BAIAP2: variants seen among roughly 807,000 people sequenced by gnomAD.
The protein encoded by BAIAP2 is BAR/IMD domain-containing adapter protein 2.
A neutral mutation model predicts 63.0 loss-of-function variants in BAIAP2; 18 were observed. The ratio of observed to expected loss-of-function variants is 0.29; its 90% CI spans 0.20 to 0.42. The LOEUF is 0.42. Ranked by LOEUF, BAIAP2 falls within the 10% of genes least tolerant of loss-of-function variation. The pLI is 1.00. For synonymous variants in BAIAP2, 386 were observed against 307.6 expected, an observed-to-expected ratio of 1.25 and a Z score of -2.67; for missense variants, 610 against 734.3, an observed-to-expected ratio of 0.83 and a Z score of 1.96.
intron 3 of BAIAP2, among the ~76,000 whole-genome samples, chr17:81,080,925 C>T (rs1325314345): frequency 6.6e-6 from 1 of 152,224 alleles, no homozygotes; most frequent in Admixed American, 6.5e-5. Context: ...TTTGCTTCAC[C>T]TCTTTGTGAA....
intron 3 of BAIAP2, among the ~76,000 whole-genome samples, chr17:81,084,552 A>G (rs186858774): frequency 5.9e-5 from 9 of 152,310 alleles, no homozygotes; most frequent in Admixed American, 5.9e-4. Context: ...TGAAGCACAC[A>G]CGGGCTCTTC....
intron 3 of BAIAP2, among the ~76,000 whole-genome samples, chr17:81,069,667 C>T (rs989500753): frequency 7.2e-5 from 11 of 152,224 alleles, no homozygotes; most frequent in Non-Finnish European, 1.0e-4. Flanking sequence ...GTTCTCCATC[C>T]ATGGCAGCTC....
At chr17:81,098,305 G>T in intron 6 of BAIAP2, 2 of 776,010 alleles carry the variant, frequency 2.6e-6, no homozygotes, top group Non-Finnish European at 3.5e-6. Flanking sequence ...CAGCTTCTTC[G>T]CCACTCTCTC....
At chr17:81,070,661 G>A (rs115556233) in intron 3 of BAIAP2, among the ~76,000 whole-genome samples, 2,967 of 152,212 alleles carry the variant, frequency 0.019, 101 homozygotes, top group African/African-American at 0.068. Context: ...AGAAGGTGTC[G>A]GGTTAGCTCA....
In BAIAP2 at chr17:81,085,659, G is replaced by A. The variant is rs900346821; in HGVS notation, c.285G>A (p.Lys95=). 2 of 1,613,746 alleles carry A rather than the reference G, an allele frequency of 1.2e-6. No individual in the cohort carries two copies. The highest frequency in any genetic ancestry group is 1.7e-6 in the Non-Finnish European group (2 of 1,179,890). ...QIQNQLEEML[K]SFHNELLTQL... is the part of the protein sequence containing the mutation. Reference sequence around the variant, plus strand: ...TGTTTTCTCTCCATGTCCAGCTGAAGTCTTTTCACAACGAGCTGCTTACGC... The same window carrying A: ...TGTTTTCTCTCCATGTCCAGCTGAAATCTTTTCACAACGAGCTGCTTACGC... The change falls in exon 5 of 14, where the codon AAG becomes AAA. Residue 95 remains lysine (K), a synonymous_variant. Transcript: ENST00000428708.
At chr17:81,042,906 C>T (rs1236004475) in intron 1 of BAIAP2, among the ~76,000 whole-genome samples, 2 of 150,958 alleles carry the variant, frequency 1.3e-5, no homozygotes, top group African/African-American at 4.9e-5. Context: ...TTATTTAAGA[C>T]AGAGTCTTGT....
At chr17:81,049,175 G>A (rs555247817) in intron 1 of BAIAP2, among the ~76,000 whole-genome samples, 1 of 152,368 alleles carries the variant, frequency 6.6e-6, no homozygotes, top group South Asian at 2.1e-4. Flanking sequence ...CACAGGTCCT[G>A]GAGTTTGAGG....
intron 3 of BAIAP2, among the ~76,000 whole-genome samples, chr17:81,077,508 C>T (rs1022574937): frequency 1.3e-5 from 2 of 151,372 alleles, no homozygotes; most frequent in African/African-American, 4.9e-5. Context: ...GCGGAGGTTG[C>T]AGTGAGCCGA....
At chr17:81,072,974 C>T (rs945433235) in intron 3 of BAIAP2, among the ~76,000 whole-genome samples, 5 of 152,080 alleles carry the variant, frequency 3.3e-5, no homozygotes, top group African/African-American at 1.2e-4. Context: ...GAGAAAATGG[C>T]ATCTGGCCTG....
At chr17:81,066,455 C>G (rs1281208723) in intron 3 of BAIAP2, among the ~76,000 whole-genome samples, 4 of 152,216 alleles carry the variant, frequency 2.6e-5, no homozygotes, top group African/African-American at 9.6e-5. Flanking sequence ...CCTCGTTGTC[C>G]AGAGTGAGGC....
intron 10 of BAIAP2, chr17:81,105,807 C>T: frequency 5.1e-6 from 2 of 394,500 alleles, no homozygotes; most frequent in South Asian, 5.7e-5. Context: ...AGCAACTGCT[C>T]TGCCCGGGCT....
Position 81,110,149 on chromosome 17 carries a change from G to C in BAIAP2, c.1535+1640G>C, listed in dbSNP as rs1011815409. On this transcript the variant is annotated intron_variant, in intron 13 of 13. Transcript: ENST00000428708. ...GTGGGAGCCCCTGGGAAGCTGCGGC[G>C]CTCCTTTATCTGATGTGGTTTAGTA... 5 of 985,504 alleles carry C rather than the reference G, an allele frequency of 5.1e-6. No individual in the cohort carries two copies. The African/African-American group carries it at 8.7e-5, about 17-fold the overall frequency. 61.0% of individuals were successfully genotyped at this position (985,504 alleles called of 1,614,324 possible). A position where few individuals can be genotyped will look rare whatever the true frequency, so the allele number is the denominator to read the frequency against.
chr17:81,076,980 A>G (rs1368128085), intron 3 of BAIAP2, among the ~76,000 whole-genome samples: 2 of 152,096 alleles, frequency 1.3e-5, no homozygotes, highest in Non-Finnish European at 1.5e-5. Flanking sequence ...CTAAAAAGAC[A>G]AGAAGGAGAC....
intron 6 of BAIAP2, chr17:81,087,765 G>C (rs953853938): frequency 1.3e-5 from 2 of 152,194 alleles, no homozygotes; most frequent in African/African-American, 2.4e-5. Context: ...CGCAACTCAG[G>C]CCGTTCTCTA....
intron 1 of BAIAP2, among the ~76,000 whole-genome samples, chr17:81,038,180 G>C (rs1405027499): frequency 6.6e-6 from 1 of 152,268 alleles, no homozygotes; most frequent in South Asian, 2.1e-4. Context: ...TGGAGTGCTG[G>C]AATCTGCCTC....
At chr17:81,089,032 G>A (rs576438057) in intron 6 of BAIAP2, among the ~76,000 whole-genome samples, 8 of 152,358 alleles carry the variant, frequency 5.3e-5, no homozygotes, top group African/African-American at 7.2e-5. Flanking sequence ...GGCCCTGACC[G>A]CACACCTGGC....
chr17:81,039,049 A>G (rs995867405), intron 1 of BAIAP2, among the ~76,000 whole-genome samples: 29 of 152,248 alleles, frequency 1.9e-4, no homozygotes, highest in African/African-American at 6.0e-4. Flanking sequence ...GGTGGCCCCC[A>G]TGGGCACCAT....
intron 3 of BAIAP2, among the ~76,000 whole-genome samples, chr17:81,073,188 G>T (rs951060225): frequency 5.9e-5 from 9 of 152,102 alleles, no homozygotes; most frequent in Non-Finnish European, 4.4e-5. Context: ...CAGCACCCCT[G>T]CTCCTCAGAG....
At chr17:81,074,501 C>T (rs1447770259) in intron 3 of BAIAP2, among the ~76,000 whole-genome samples, 7 of 147,892 alleles carry the variant, frequency 4.7e-5, no homozygotes, top group Non-Finnish European at 7.4e-5. Flanking sequence ...TGTGTCTGTG[C>T]GTGCATGGAT....
Sources: allele counts gnomAD v4.1 joint callset (sites outside exome capture counted in the v4.1 genomes callset), GRCh38; gene constraint gnomAD v4.1.1; transcripts MANE v1.5; gene names NCBI Gene and HGNC (gene_info 2026-07-23, HGNC 2026-07-21).